The following TBC1D21 variants were observed in gnomAD, a reference collection of about 807,000 sequenced individuals.
The protein encoded by TBC1D21 is TBC1 domain family member 21, also known as male germ cell Rab GTPase-activating protein.
Under a neutral mutation model 46.0 loss-of-function variants are expected in TBC1D21, and 38 were observed. The ratio of observed to expected loss-of-function variants is 0.83; its 90% CI spans 0.64 to 1.08. The LOEUF (loss-of-function observed/expected upper bound fraction) is 1.08. Ranked by LOEUF, TBC1D21 falls within the 50% of genes least tolerant of loss-of-function variation. The pLI is 0.00. For synonymous variants in TBC1D21, 151 were observed against 157.2 expected, an observed-to-expected ratio of 0.96 and a Z score of 0.29; for missense variants, 415 against 417.9, an observed-to-expected ratio of 0.99 and a Z score of 0.06.
At chr15:73,895,961 G>C in the TBC1D21 span, among the ~76,000 whole-genome samples, 1 of 152,176 alleles carries the variant, frequency 6.6e-6, no homozygotes. Context: ...GTGGTGATAG[G>C]GATGATGGAG....
downstream of TBC1D21, chr15:73,889,289 T>C (rs772295204): frequency 1.6e-6 from 1 of 643,190 alleles, no homozygotes; most frequent in Non-Finnish European, 2.7e-6. Flanking sequence ...GGTCGTACGA[T>C]AGGAAGAGAG....
intron 3 of TBC1D21, 87 bp from the exon 4 acceptor site, chr15:73,884,064 C>T (rs2068199811): frequency 1.8e-6 from 2 of 1,113,166 alleles, no homozygotes; most frequent in Non-Finnish European, 2.7e-6. Context: ...CCTGGATCTG[C>T]CTGGGGCCTG....
At chr15:73,894,612 C>T in the TBC1D21 span, among the ~76,000 whole-genome samples, 8 of 152,104 alleles carry the variant, frequency 5.3e-5, no homozygotes, top group Non-Finnish European at 1.2e-4. Context: ...TGGCAGGTCC[C>T]GCATGGAAGC....
chr15:73,873,600 A>G lies in TBC1D21; in HGVS notation c.-110A>G, dbSNP rs1047761148. On this transcript the variant is annotated 5_prime_UTR_variant, in exon 1 of 11. Transcript: ENST00000300504. ...CGGCTCTGTTCAAGTGTGGGAGGTC[A>G]GGAGCAGCCAGTTCCTCCTGGGAAT... 25 of 1,210,312 alleles carry G rather than the reference A, an allele frequency of 2.1e-5. No individual in the cohort carries two copies. The Admixed American group carries it at 4.9e-4, about 24-fold the overall frequency. The allele number at this position is 1,210,312 out of a possible 1,614,324, so 75.0% of individuals were successfully genotyped here. A position where few individuals can be genotyped will look rare whatever the true frequency, so the allele number is the denominator to read the frequency against.
At chr15:73,907,899 C>T in the TBC1D21 span, among the ~76,000 whole-genome samples, 1 of 152,130 alleles carries the variant, frequency 6.6e-6, no homozygotes, top group Admixed American at 6.5e-5. Flanking sequence ...TACGGTCAAC[C>T]AGGAGCCTAG....
chr15:73,882,790 G>A (rs2068177355), intron 3 of TBC1D21, among the ~76,000 whole-genome samples: 1 of 152,194 alleles, frequency 6.6e-6, no homozygotes. Context: ...CTTGCACAGG[G>A]GAGGAATCAG....
At chr15:73,900,095 C>T in the TBC1D21 span, among the ~76,000 whole-genome samples, 13 of 152,312 alleles carry the variant, frequency 8.5e-5, no homozygotes, top group East Asian at 2.5e-3. Flanking sequence ...GGGTTTGCTT[C>T]TCCCTCCTAT....
downstream of TBC1D21, among the ~76,000 whole-genome samples, chr15:73,890,938 C>T (rs1386506217): frequency 2.0e-5 from 3 of 152,110 alleles, no homozygotes; most frequent in African/African-American, 7.2e-5. Context: ...CTCTTGTCTA[C>T]TAGGGTGCAT....
intron 1 of TBC1D21, among the ~76,000 whole-genome samples, chr15:73,875,274 G>A (rs2068039747): frequency 8.5e-6 from 1 of 118,240 alleles, no homozygotes; most frequent in Non-Finnish European, 1.7e-5. Context: ...AGAAGAAGAA[G>A]AAGAAAGAAG....
chr15:73,882,393 C>G (rs545049389), intron 3 of TBC1D21, among the ~76,000 whole-genome samples: 2 of 152,324 alleles, frequency 1.3e-5, no homozygotes, highest in African/African-American at 4.8e-5. Flanking sequence ...CCTGCCCCAG[C>G]ACAGACCACG....
At chr15:73,908,791 C>T in the TBC1D21 span, among the ~76,000 whole-genome samples, 1 of 152,188 alleles carries the variant, frequency 6.6e-6, no homozygotes, top group South Asian at 2.1e-4. Context: ...CCAGAAAGTT[C>T]CTCAGGCTCT....
At chr15:73,885,475 C>T (rs2068227893) in intron 6 of TBC1D21, among the ~76,000 whole-genome samples, 1 of 152,140 alleles carries the variant, frequency 6.6e-6, no homozygotes, top group Admixed American at 6.5e-5. Context: ...ATCCAATAAC[C>T]TTAGCCAGTC....
At chr15:73,892,129 C>T (rs758274099), downstream of TBC1D21, among the ~76,000 whole-genome samples, 6 of 152,230 alleles carry the variant, frequency 3.9e-5, no homozygotes, top group Non-Finnish European at 5.9e-5. Flanking sequence ...AATCCCCAGA[C>T]TCAGCCAGCC....
intron 1 of TBC1D21, among the ~76,000 whole-genome samples, chr15:73,880,046 G>A (rs1228464198): frequency 2.6e-5 from 4 of 151,910 alleles, no homozygotes; most frequent in East Asian, 1.9e-4. Flanking sequence ...ACCGGCATGC[G>A]CCACCATGCC....
At chr15:73,897,586 C>A in the TBC1D21 span, among the ~76,000 whole-genome samples, 2 of 152,212 alleles carry the variant, frequency 1.3e-5, no homozygotes, top group African/African-American at 4.8e-5. Flanking sequence ...GAGGGCGCTC[C>A]TCCTCCTCCA....
At chr15:73,906,350 A>G in the TBC1D21 span, among the ~76,000 whole-genome samples, 3 of 152,096 alleles carry the variant, frequency 2.0e-5, no homozygotes, top group Non-Finnish European at 4.4e-5. Flanking sequence ...GAAGGATTTC[A>G]TGTGTCTCCG....
chr15:73,886,463 C>A, intron 7 of TBC1D21, 49 bp from the exon 8 acceptor site: 1 of 1,541,202 alleles, frequency 6.5e-7, no homozygotes, highest in South Asian at 1.1e-5. Flanking sequence ...GTGTTTGCTG[C>A]ATCATATGTG....
At chr15:73,889,482 C>A (rs1567071015), downstream of TBC1D21, among the ~76,000 whole-genome samples, 1 of 152,326 alleles carries the variant, frequency 6.6e-6, no homozygotes, top group Admixed American at 6.5e-5. Flanking sequence ...CAAAACTGAG[C>A]ACATTTAATA....
intron 1 of TBC1D21, among the ~76,000 whole-genome samples, chr15:73,875,273 A>AGAAAGAAGGAAGGAAGGAGG (rs2068039802): frequency 7.1e-6 from 1 of 140,376 alleles, no homozygotes; most frequent in Non-Finnish European, 1.5e-5. Context: ...AAGAAGAAGA[A>AGAAAGAAGGAAGGAAGGAGG]GAAGAAAGAA....
Sources: allele counts gnomAD v4.1 joint callset (sites outside exome capture counted in the v4.1 genomes callset), GRCh38; gene constraint gnomAD v4.1.1; transcripts MANE v1.5; gene names NCBI Gene and HGNC (gene_info 2026-07-23, HGNC 2026-07-21).